Variants in GRK2 observed in about 807,000 individuals in gnomAD.
GRK2 encodes G protein-coupled receptor kinase 2, also known as adrenergic beta receptor kinase 1.
GRK2 carries 23 observed loss-of-function variants against 97.8 expected under a neutral mutation model. The observed-to-expected ratio is 0.24, with a 90% CI of 0.17 to 0.33. The LOEUF (loss-of-function observed/expected upper bound fraction) is 0.33. Among genes scored for constraint, GRK2 ranks in the 10% least tolerant of loss-of-function variants. The probability of loss-of-function intolerance (pLI) is 1.00; values close to 1 mark genes in which losing one functional copy is unlikely to be tolerated. For synonymous variants in GRK2, 425 were observed against 381.7 expected (o/e 1.11, Z -1.32); for missense variants, 633 against 956.9 (o/e 0.66, Z 4.47).
In GRK2 at chr11:67,283,666, C is replaced by T. The variant is rs556676202; in HGVS notation, c.1329-41C>T. 17 of 1,605,146 alleles carry T rather than the reference C, an allele frequency of 1.1e-5. No individual in the cohort carries two copies. In the East Asian group the frequency reaches 1.6e-4, roughly 15 times the overall value. On this transcript the variant is annotated intron_variant, in intron 15 of 20. Coordinates refer to ENST00000308595, the MANE Select transcript of GRK2 (RefSeq NM_001619.5). ...TCAATCAGGAGTTAAGCCCGGGACT[C>T]AGGGTGGGGCTGAGCCCAGATGACT...
intron 2 of GRK2, among the ~76,000 whole-genome samples, chr11:67,277,719 G>A (rs986619869): frequency 6.6e-6 from 1 of 152,262 alleles, no homozygotes; most frequent in African/African-American, 2.4e-5. Flanking sequence ...CTGCCGAGCT[G>A]TGGTTGGCCC....
intron 15 of GRK2, 38 bp from the exon 16 acceptor site, chr11:67,283,669 G>A: frequency 6.2e-7 from 1 of 1,605,160 alleles, no homozygotes; most frequent in South Asian, 1.1e-5. Flanking sequence ...CGGGACTCAG[G>A]GTGGGGCTGA....
chr11:67,283,618 A>G, intron 15 of GRK2, 89 bp from the exon 16 acceptor site: 9 of 1,347,588 alleles, frequency 6.7e-6, no homozygotes, highest in South Asian at 2.4e-5. Flanking sequence ...AACTTGCCCA[A>G]GTTCACAGAG....
At position 67,280,634 on chromosome 11, in the gene GRK2, C is replaced by T. The variant is rs1199986708; in HGVS notation, c.504-98C>T. ...CGTGATGTTTCCACACCTACCCTCACGGGACCCCAGGGAGTGGCGGCTGGG... is the reference window on the plus strand; with the variant it reads ...CGTGATGTTTCCACACCTACCCTCATGGGACCCCAGGGAGTGGCGGCTGGG... On this transcript the variant is annotated intron_variant, in intron 6 of 20. Coordinates refer to ENST00000308595, the MANE Select transcript of GRK2 (RefSeq NM_001619.5). The T allele has an allele frequency of 7.2e-6, 10 of 1,390,154 alleles. 1 individual carries two copies. The highest frequency in any genetic ancestry group is 2.8e-5 in the African/African-American group (2 of 70,452). The allele number at this position is 1,390,154 out of a possible 1,614,324, so 86.1% of individuals were successfully genotyped here.
chr11:67,266,813 G>C lies in GRK2; in HGVS notation c.113+1G>C. 1 of 1,282,124 alleles carries C rather than the reference G, an allele frequency of 7.8e-7. No individual in the cohort carries two copies. Among genetic ancestry groups the C allele is most frequent in the South Asian group, 2.3e-5 (1 of 42,796 alleles). The allele number at this position is 1,282,124 out of a possible 1,614,324, so 79.4% of individuals were successfully genotyped here. Reference sequence around the variant, plus strand: ...AGAAGATCCTGCTGCCCGAGCCCAGGTGAGGAGAAGCTGCCCGCGGCCCCG... The same window carrying C: ...AGAAGATCCTGCTGCCCGAGCCCAGCTGAGGAGAAGCTGCCCGCGGCCCCG... On this transcript the variant is annotated splice_donor_variant, in intron 1 of 20. Coordinates refer to ENST00000308595, the MANE Select transcript of GRK2 (RefSeq NM_001619.5). LOFTEE classifies it high-confidence loss of function.
chr11:67,269,841 C>CT lies in GRK2; in HGVS notation c.113+3030dup, dbSNP rs1385700066. 5.3e-5 allele frequency among the ~76,000 whole-genome samples: 8 copies of CT among 152,234 alleles called. No individual in the cohort carries two copies. Among genetic ancestry groups the CT allele is most frequent in the African/African-American group, 1.4e-4 (6 of 41,460 alleles). On this transcript the variant is annotated intron_variant, in intron 1 of 20. Coordinates refer to ENST00000308595, the MANE Select transcript of GRK2 (RefSeq NM_001619.5). The surrounding 1 kb of genome is among the most constrained non-coding windows in gnomAD (Gnocchi z 4.1). ...AAGAACTGGGGCTGGCATCACAGCT[C>CT]TGAGTTCCAAAGGCTAGGGAATGGG... is the stretch of plus-strand genomic sequence containing the variant.
chr11:67,273,207 C>T (rs1486724020), intron 1 of GRK2, among the ~76,000 whole-genome samples: 1 of 152,266 alleles, frequency 6.6e-6, no homozygotes, highest in Non-Finnish European at 1.5e-5. Context: ...ACTTGGAACC[C>T]AGGCACCCGT....
intron 1 of GRK2, among the ~76,000 whole-genome samples, chr11:67,272,146 T>G (rs1262353569): frequency 6.6e-6 from 1 of 152,134 alleles, no homozygotes; most frequent in Non-Finnish European, 1.5e-5. Context: ...CATCCTGGGT[T>G]CCAGGGAAGG....
At chr11:67,277,410 C>T in intron 2 of GRK2, 62 bp downstream of exon 2, 3 of 1,443,806 alleles carry the variant, frequency 2.1e-6, no homozygotes, top group Non-Finnish European at 1.9e-6. Flanking sequence ...CCCCAGCCAG[C>T]CCAGCTGTGC....
chr11:67,283,576 T>A (rs1467853494), intron 15 of GRK2, 131 bp from the exon 16 acceptor site: 1 of 897,482 alleles, frequency 1.1e-6, no homozygotes, highest in East Asian at 2.4e-5. Flanking sequence ...GTTCTCCCAT[T>A]TGAGAGATGA....
At chr11:67,273,636 A>G (rs1859958583) in intron 1 of GRK2, among the ~76,000 whole-genome samples, 1 of 151,968 alleles carries the variant, frequency 6.6e-6, no homozygotes, top group African/African-American at 2.4e-5. Flanking sequence ...GACTCTGCTC[A>G]GGCCTGACCT....
At chr11:67,273,023 G>A (rs1433329150) in intron 1 of GRK2, among the ~76,000 whole-genome samples, 2 of 152,252 alleles carry the variant, frequency 1.3e-5, no homozygotes, top group Admixed American at 6.5e-5. Context: ...CCAGCAGGCG[G>A]GGCACGGCGG....
At chr11:67,268,457 A>G (rs1859842209) in intron 1 of GRK2, among the ~76,000 whole-genome samples, 1 of 152,172 alleles carries the variant, frequency 6.6e-6, no homozygotes, top group Non-Finnish European at 1.5e-5. Flanking sequence ...TTAGTACAGA[A>G]ATGAGTTCAG....
At chr11:67,271,719 C>T (rs1199902702) in intron 1 of GRK2, among the ~76,000 whole-genome samples, 6 of 152,338 alleles carry the variant, frequency 3.9e-5, no homozygotes, top group South Asian at 2.1e-4. Flanking sequence ...GCTGTGTGTG[C>T]GGGGCCAGCT....
chr11:67,273,701 AT>A, intron 1 of GRK2, among the ~76,000 whole-genome samples: 1 of 152,058 alleles, frequency 6.6e-6, no homozygotes, highest in African/African-American at 2.4e-5. Context: ...TTTAAAAAAC[AT>A]TTTTTTCTTT....
rs373590067 is a variant in GRK2, at chr11:67,284,323, G to A, written c.1604G>A (p.Arg535Gln). ...VFDTINAETDRLEARKKAKNK... is the reference protein window; with the variant it reads ...VFDTINAETDQLEARKKAKNK... ...GACACCATCAACGCTGAGACAGACCGGCTGGAGGCTCGCAAGAAAGCCAAG... is the reference window on the plus strand; with the variant it reads ...GACACCATCAACGCTGAGACAGACCAGCTGGAGGCTCGCAAGAAAGCCAAG... Residue 535 changes from arginine to glutamine, a missense_variant, in exon 18 of 21, where the codon CGG becomes CAG. Physicochemically the swap from Arg to Gln is conservative, Grantham distance 43 (BLOSUM62 1). Transcript: ENST00000308595. 8 of 1,613,182 alleles carry A rather than the reference G, an allele frequency of 5.0e-6. No homozygotes were observed. The highest frequency in any genetic ancestry group is 6.8e-6 in the Non-Finnish European group (8 of 1,179,984).
chr11:67,266,773 C>T lies in GRK2; in HGVS notation c.74C>T (p.Ala25Val), dbSNP rs1565434525. Residue 25 changes from alanine (A) to valine (V), a missense_variant, in exon 1 of 21, where the codon GCC (alanine) becomes GTC (valine). Coordinates refer to ENST00000308595, the MANE Select transcript of GRK2 (RefSeq NM_001619.5). The stretch of plus-strand genomic sequence containing the variant: ...ATGGAGAAGAGCAAGGCCACGCCGG[C>T]CGCGCGCGCCAGCAAGAAGATCCTG... ...MAMEKSKATPAARASKKILLP... is the reference protein window; with the variant it reads ...MAMEKSKATPVARASKKILLP... 1.5e-6 allele frequency: 2 copies of T among 1,366,854 alleles called. No homozygotes were observed. Among genetic ancestry groups the T allele is most frequent in the South Asian group, 1.7e-5 (1 of 57,418 alleles). The allele number at this position is 1,366,854 out of a possible 1,614,324, so 84.7% of individuals were successfully genotyped here. A position where few individuals can be genotyped will look rare whatever the true frequency, so the allele number is the denominator to read the frequency against.
intron 1 of GRK2, among the ~76,000 whole-genome samples, chr11:67,273,064 C>T (rs145214351): frequency 9.3e-4 from 142 of 152,352 alleles, no homozygotes; most frequent in African/African-American, 3.1e-3. Flanking sequence ...TATTAGAAGC[C>T]CTCCTTCTGC....
Position 67,276,796 on chromosome 11 carries a change from T to G in GRK2, c.114-476T>G. 1 of 154,854 alleles carries G rather than the reference T, an allele frequency of 6.5e-6. No homozygotes were observed. The highest frequency in any genetic ancestry group is 1.9e-4 in the East Asian group (1 of 5,272). 9.6% of individuals were successfully genotyped at this position (154,854 alleles called of 1,614,324 possible). ...GGAATCTCACAATATGTGGCAACCC[T>G]TTGTGACTGGCTTCGTTCAGCCTCA... On this transcript the variant is annotated intron_variant, in intron 1 of 20. Coordinates refer to ENST00000308595, the MANE Select transcript of GRK2 (RefSeq NM_001619.5). The surrounding 1 kb of genome is among the most constrained non-coding windows in gnomAD (Gnocchi z 4.2).
Sources: allele counts gnomAD v4.1 joint callset (sites outside exome capture counted in the v4.1 genomes callset), GRCh38; gene constraint gnomAD v4.1.1; non-coding constraint Gnocchi (gnomAD v3.1); transcripts MANE v1.5; gene names NCBI Gene and HGNC (gene_info 2026-07-23, HGNC 2026-07-21).